IL4I1: variants seen among roughly 807,000 people sequenced by gnomAD.
IL4I1 encodes L-amino-acid oxidase.
IL4I1 carries 24 observed loss-of-function variants against 29.7 expected under a neutral mutation model. That is an observed-to-expected ratio of 0.81 (90% CI 0.59 to 1.14). The LOEUF is 1.14. Ranked by LOEUF, IL4I1 falls within the 50% of genes most tolerant of loss-of-function variation. The pLI is 0.00. For synonymous variants in IL4I1, 371 were observed against 352.5 expected (o/e 1.05, Z -0.59); for missense variants, 686 against 785.6 (o/e 0.87, Z 1.52).
intron 2 of IL4I1, among the ~76,000 whole-genome samples, chr19:49,920,599 G>C (rs955216620): frequency 1.3e-5 from 2 of 152,238 alleles, no homozygotes; most frequent in Non-Finnish European, 2.9e-5. Flanking sequence ...TGTGGAGGCG[G>C]ATAGGCGTCA....
At chr19:49,894,573 C>T (rs541092971) in intron 4 of IL4I1, 104 bp from the exon 5 acceptor site, 2 of 658,784 alleles carry the variant, frequency 3.0e-6, no homozygotes, top group Admixed American at 5.0e-5. Flanking sequence ...AGCTGGGGAC[C>T]AGCATGAGGC....
In IL4I1 at chr19:49,921,356, GCCA is replaced by G. The variant is rs1254840320; in HGVS notation, c.-228+6335_-228+6337del. ...ACATGGTCTTTTTTTGCTCCCCACT[GCCA>G]CCACCATCACCGTCCCCTGCCTCAT... On this transcript the variant is annotated intron_variant, in intron 2 of 9. Transcript: ENST00000341114. The surrounding 1 kb of genome is among the most constrained non-coding windows in gnomAD (Gnocchi z 5.4). 2.0e-5 allele frequency among the ~76,000 whole-genome samples: 3 copies of G among 151,852 alleles called. No individual in the cohort carries two copies. The highest frequency in any genetic ancestry group is 7.3e-5 in the African/African-American group (3 of 41,324).
chr19:49,905,272 C>T (rs1384080542), intron 2 of IL4I1, among the ~76,000 whole-genome samples: 3 of 152,228 alleles, frequency 2.0e-5, no homozygotes, highest in South Asian at 2.1e-4. Flanking sequence ...GTGGCCCCTG[C>T]CAACGACCTT....
chr19:49,921,975 A>C lies in IL4I1; in HGVS notation c.-228+5719T>G, dbSNP rs1310906941. 6.6e-6 allele frequency among the ~76,000 whole-genome samples: 1 copy of C among 152,196 alleles called. No individual in the cohort carries two copies. The highest frequency in any genetic ancestry group is 6.5e-5 in the Admixed American group (1 of 15,286). ...AAAGCAGCCCCGACGGCAGGGCCCT[A>C]GGGCCCCAGGCCAGGCCACCACGAC... On this transcript the variant is annotated intron_variant, in intron 2 of 9. Transcript: ENST00000341114. This position sits in a 1 kb window ranked among gnomAD's most constrained non-coding sequence, Gnocchi z 5.4.
At chr19:49,918,906 G>C (rs1406725129) in intron 2 of IL4I1, among the ~76,000 whole-genome samples, 5 of 145,166 alleles carry the variant, frequency 3.4e-5, no homozygotes, top group South Asian at 5.3e-4. Flanking sequence ...GGGGGGGGGG[G>C]GGCGGGGTGT....
At chr19:49,917,311 C>T (rs2075650670) in intron 2 of IL4I1, among the ~76,000 whole-genome samples, 1 of 152,250 alleles carries the variant, frequency 6.6e-6, no homozygotes, top group Non-Finnish European at 1.5e-5. Context: ...TCCATGAGTG[C>T]TAGTGCTGGG....
chr19:49,899,185 G>A (rs905310743), upstream of IL4I1, among the ~76,000 whole-genome samples: 3 of 152,182 alleles, frequency 2.0e-5, no homozygotes, highest in Non-Finnish European at 2.9e-5. Context: ...TCCTACAGCC[G>A]CATAACAGTG....
intron 2 of IL4I1, among the ~76,000 whole-genome samples, chr19:49,919,718 G>T (rs1484550698): frequency 6.6e-6 from 1 of 152,112 alleles, no homozygotes; most frequent in Non-Finnish European, 1.5e-5. Flanking sequence ...CAGGAAAAAC[G>T]AATCAGCTAA....
intron 2 of IL4I1, among the ~76,000 whole-genome samples, chr19:49,923,602 C>T (rs1158525481): frequency 6.6e-6 from 1 of 152,256 alleles, no homozygotes; most frequent in African/African-American, 2.4e-5. Flanking sequence ...CTCCACAGCG[C>T]TCCCACACCA....
At chr19:49,914,564 G>A (rs1005043522) in intron 2 of IL4I1, among the ~76,000 whole-genome samples, 4 of 152,142 alleles carry the variant, frequency 2.6e-5, no homozygotes, top group South Asian at 4.2e-4. Context: ...CTGGGAACCC[G>A]GAGGAAGACC....
chr19:49,928,528 AAAAAC>A (rs2075968132), intron 1 of IL4I1: 1 of 152,004 alleles, frequency 6.6e-6, no homozygotes, highest in Non-Finnish European at 1.5e-5. Context: ...CTCAAAAAAA[AAAAAC>A]AGTTGAACAG....
chr19:49,908,694 T>C (rs1381307237), intron 2 of IL4I1: 1 of 1,612,394 alleles, frequency 6.2e-7, no homozygotes, highest in East Asian at 2.2e-5. Flanking sequence ...AGGCTGGTGA[T>C]CTTTTCTCCA....
At chr19:49,910,242 C>A (rs2075429779) in intron 2 of IL4I1, among the ~76,000 whole-genome samples, 3 of 152,090 alleles carry the variant, frequency 2.0e-5, no homozygotes, top group Admixed American at 6.6e-5. Context: ...AGCTGTAGGA[C>A]CTGCTCCCAG....
chr19:49,890,746 T>G lies in IL4I1; in HGVS notation c.774-146A>C, dbSNP rs949931142. The G allele has an allele frequency of 1.2e-5, 9 of 733,296 alleles. No individual in the cohort carries two copies. The African/African-American group carries it at 1.8e-4, about 14-fold the overall frequency. The allele number at this position is 733,296 out of a possible 1,614,324, so 45.4% of individuals were successfully genotyped here. A position where few individuals can be genotyped will look rare whatever the true frequency, so the allele number is the denominator to read the frequency against. ...CACCTCTCCCGACCCCGCCCGTCCC[T>G]GACATCCCAAAGGCCGCAGGAGTAG... On this transcript the variant is annotated intron_variant, in intron 7 of 7. Coordinates refer to ENST00000391826, the MANE Select transcript of IL4I1 (RefSeq NM_152899.2).
At chr19:49,895,658 G>T (rs534962511) in intron 3 of IL4I1, among the ~76,000 whole-genome samples, 157 bp downstream of exon 3, 115 of 152,240 alleles carry the variant, frequency 7.6e-4, no homozygotes, top group African/African-American at 2.6e-3. Context: ...ACAGCAGGGG[G>T]CTTGGGCCTC....
chr19:49,894,276 G>C lies in IL4I1; in HGVS notation c.559C>G (p.Leu187Val). Reference sequence around the variant, plus strand: ...GTGCAGGCGGTACCCACCTGGTTGAGAGCCATCTGGTAGATGTCTTCGGGC... The same window carrying C: ...GTGCAGGCGGTACCCACCTGGTTGACAGCCATCTGGTAGATGTCTTCGGGC... ...HSPEDIYQMA[L>V]NQALKDLKAL... The change falls in exon 5 of 8, where the codon CTC (leucine) becomes GTC (valine). Residue 187 changes from leucine (L) to valine (V), a missense_variant. Transcript: ENST00000391826. 1.9e-6 allele frequency: 3 copies of C among 1,613,700 alleles called. No individual in the cohort carries two copies. Among genetic ancestry groups the C allele is most frequent in the East Asian group, 4.5e-5 (2 of 44,878 alleles).
Position 49,890,354 on chromosome 19 carries a change from C to G in IL4I1, c.1020G>C (p.Met340Ile). ...ITFSPPLPRH[M>I]QEALRRLHYV... ...AGTGCAGCCTCCGCAGCGCCTCCTG[C>G]ATGTGGCGGGGCAGCGGCGGCGAGA... The change falls in exon 8 of 8, where the codon ATG becomes ATC. Residue 340 changes from methionine (M) to isoleucine (I), a missense_variant. Coordinates refer to ENST00000391826, the MANE Select transcript of IL4I1 (RefSeq NM_152899.2). 4 of 1,606,560 alleles carry G rather than the reference C, an allele frequency of 2.5e-6. No homozygotes were observed. Among genetic ancestry groups the G allele is most frequent in the Non-Finnish European group, 3.4e-6 (4 of 1,176,670 alleles).
At chr19:49,890,934 C>A (rs781612489) in intron 7 of IL4I1, 37 bp downstream of exon 7, 1 of 404,458 alleles carries the variant, frequency 2.5e-6, no homozygotes, top group Non-Finnish European at 4.1e-6. Context: ...TGATTGCCCC[C>A]CGCCCCCCCC....
At chr19:49,913,661 C>T (rs2122649696) in intron 2 of IL4I1, among the ~76,000 whole-genome samples, 1 of 152,360 alleles carries the variant, frequency 6.6e-6, no homozygotes, top group South Asian at 2.1e-4. Context: ...TTTTGCATCT[C>T]TCCCCTTTGC....
Sources: gnomAD v4.1 joint callset for allele counts (sites outside exome capture counted in the v4.1 genomes callset) on GRCh38, gnomAD v4.1.1 for gene constraint, Gnocchi (gnomAD v3.1) non-coding constraint, MANE v1.5 for transcripts, NCBI Gene and HGNC (gene_info 2026-07-23, HGNC 2026-07-21) for gene names.